The following LRTM1 variants were observed in gnomAD, a reference collection of about 807,000 sequenced individuals.
LRTM1 encodes the protein leucine-rich repeat and transmembrane domain-containing protein 1.
LRTM1 carries 38 observed loss-of-function variants against 32.4 expected under a neutral mutation model. The ratio of observed to expected loss-of-function variants is 1.17; its 90% CI spans 0.91 to 1.54. The LOEUF (loss-of-function observed/expected upper bound fraction) is 1.54, where lower values mean the gene tolerates loss of function less well. Among genes scored for constraint, LRTM1 ranks in the 40% most tolerant of loss-of-function variants. The probability of loss-of-function intolerance (pLI) is 0.00; values close to 1 mark genes in which losing one functional copy is unlikely to be tolerated. For missense variants in LRTM1, 466 were observed against 415.4 expected, an observed-to-expected ratio of 1.12 and a Z score of -1.06; for synonymous variants, 186 against 169.9, an observed-to-expected ratio of 1.09 and a Z score of -0.74.
chr3:54,925,461 A>C (rs548695669), intron 1 of LRTM1, among the ~76,000 whole-genome samples: 5 of 152,298 alleles, frequency 3.3e-5, no homozygotes, highest in Non-Finnish European at 7.4e-5. Flanking sequence ...AGATACTCTC[A>C]GTGTCTTCTG....
chr3:54,919,374 A>T (rs1484998462), intron 2 of LRTM1, among the ~76,000 whole-genome samples: 1 of 152,236 alleles, frequency 6.6e-6, no homozygotes, highest in Non-Finnish European at 1.5e-5. Flanking sequence ...TGTGTGTCTC[A>T]ACACTGTTCA....
At chr3:54,964,660 A>G (rs919151467) in intron 1 of LRTM1, among the ~76,000 whole-genome samples, 3 of 152,176 alleles carry the variant, frequency 2.0e-5, no homozygotes, top group African/African-American at 7.2e-5. Context: ...AAGAAAAGAA[A>G]AATGTGGACC....
At chr3:54,920,676 A>G (rs947543178) in intron 2 of LRTM1, among the ~76,000 whole-genome samples, 12 of 152,188 alleles carry the variant, frequency 7.9e-5, no homozygotes, top group African/African-American at 2.9e-4. Flanking sequence ...AAAAGGTCAG[A>G]GAGACAGAAA....
chr3:54,951,274 C>T (rs2107016070), intron 1 of LRTM1, among the ~76,000 whole-genome samples: 1 of 152,294 alleles, frequency 6.6e-6, no homozygotes, highest in South Asian at 2.1e-4. Flanking sequence ...ACCCACAAAT[C>T]CTGCCAGATA....
At chr3:54,951,048 A>G (rs776987564) in intron 1 of LRTM1, among the ~76,000 whole-genome samples, 7 of 152,244 alleles carry the variant, frequency 4.6e-5, no homozygotes, top group Non-Finnish European at 8.8e-5. Flanking sequence ...AAATTCATAG[A>G]AAATGTAACT....
intron 1 of LRTM1, among the ~76,000 whole-genome samples, chr3:54,950,699 C>T (rs1559642270): frequency 1.3e-5 from 2 of 152,234 alleles, no homozygotes; most frequent in South Asian, 2.1e-4. Flanking sequence ...GAAAGGAACC[C>T]GTTCTTTTAC....
chr3:54,922,265 A>T (rs944749836), intron 2 of LRTM1, among the ~76,000 whole-genome samples: 4 of 151,836 alleles, frequency 2.6e-5, no homozygotes, highest in African/African-American at 9.7e-5. Flanking sequence ...TTTGTGGCAG[A>T]GTAGGGCACA....
intron 2 of LRTM1, among the ~76,000 whole-genome samples, 197 bp downstream of exon 2, chr3:54,924,422 T>G (rs908419762): frequency 8.5e-5 from 13 of 152,224 alleles, no homozygotes; most frequent in African/African-American, 2.9e-4. Flanking sequence ...ATTTGTAGAT[T>G]AATTTCGAAC....
At chr3:54,951,117 C>G (rs1215332101) in intron 1 of LRTM1, among the ~76,000 whole-genome samples, 1 of 152,044 alleles carries the variant, frequency 6.6e-6, no homozygotes, top group Non-Finnish European at 1.5e-5. Flanking sequence ...ATATCAAGAA[C>G]TAGTTGAGAG....
chr3:54,955,296 T>A (rs1234622284), intron 1 of LRTM1, among the ~76,000 whole-genome samples: 1 of 152,068 alleles, frequency 6.6e-6, no homozygotes, highest in Admixed American at 6.6e-5. Flanking sequence ...ATGCAGATAA[T>A]GTCCCGCAGG....
intron 1 of LRTM1, among the ~76,000 whole-genome samples, chr3:54,936,352 T>G (rs1701328597): frequency 6.6e-6 from 1 of 152,198 alleles, no homozygotes; most frequent in African/African-American, 2.4e-5. Context: ...TTTCGTATTA[T>G]AAAGCCTTTG....
intron 2 of LRTM1, among the ~76,000 whole-genome samples, chr3:54,921,151 A>G (rs953117196): frequency 6.6e-6 from 1 of 152,174 alleles, no homozygotes; most frequent in Non-Finnish European, 1.5e-5. Flanking sequence ...CAGCTTGCCA[A>G]GCACTCATTG....
intron 1 of LRTM1, among the ~76,000 whole-genome samples, chr3:54,926,238 CT>C (rs1701013483): frequency 6.6e-6 from 1 of 152,088 alleles, no homozygotes; most frequent in East Asian, 1.9e-4. Context: ...ATTCTAAGTG[CT>C]TTATAAATAT....
upstream of LRTM1, among the ~76,000 whole-genome samples, chr3:54,928,487 T>A (rs1038527597): frequency 3.3e-5 from 5 of 152,126 alleles, no homozygotes; most frequent in African/African-American, 1.2e-4. Context: ...TGAGGACAAA[T>A]TGGCCTGCTG....
intron 1 of LRTM1, among the ~76,000 whole-genome samples, chr3:54,926,702 C>G (rs1361847583): frequency 1.3e-5 from 2 of 152,174 alleles, no homozygotes; most frequent in Non-Finnish European, 2.9e-5. Flanking sequence ...GTAGCATATT[C>G]CATGGTGAGA....
chr3:54,923,851 T>A (rs949488978), intron 2 of LRTM1, among the ~76,000 whole-genome samples: 4 of 152,194 alleles, frequency 2.6e-5, no homozygotes, highest in Non-Finnish European at 5.9e-5. Context: ...CAAACTTTTC[T>A]GTAAAGGGCC....
chr3:54,937,840 G>A (rs968010678), intron 1 of LRTM1, among the ~76,000 whole-genome samples: 1 of 152,120 alleles, frequency 6.6e-6, no homozygotes, highest in Non-Finnish European at 1.5e-5. Context: ...CAGCACAGAG[G>A]GTGAGGAAGG....
At chr3:54,927,076 G>C (rs1701043451) in intron 1 of LRTM1, among the ~76,000 whole-genome samples, 1 of 152,180 alleles carries the variant, frequency 6.6e-6, no homozygotes, top group South Asian at 2.1e-4. Flanking sequence ...ACTCAAAATA[G>C]TTATCTACTC....
intron 1 of LRTM1, among the ~76,000 whole-genome samples, chr3:54,960,792 A>G (rs958360089): frequency 2.0e-5 from 3 of 152,130 alleles, no homozygotes; most frequent in Admixed American, 6.5e-5. Flanking sequence ...CCATCATGCA[A>G]TTCATTAACA....
Sources: gnomAD v4.1 joint callset for allele counts (sites outside exome capture counted in the v4.1 genomes callset) on GRCh38, gnomAD v4.1.1 for gene constraint, MANE v1.5 for transcripts, NCBI Gene and HGNC (gene_info 2026-07-23, HGNC 2026-07-21) for gene names.